Variants in EZR observed in about 807,000 individuals in gnomAD.
EZR encodes the protein cytovillin 2.
Under a neutral mutation model 74.8 loss-of-function variants are expected in EZR, and 40 were observed. That is an observed-to-expected ratio of 0.53 (90% confidence interval 0.42 to 0.70). EZR has a LOEUF of 0.70. Ranked by LOEUF, EZR falls within the 30% of genes least tolerant of loss-of-function variation. The probability of loss-of-function intolerance (pLI) is 0.00; values close to 1 mark genes in which losing one functional copy is unlikely to be tolerated. For synonymous variants in EZR, 341 were observed against 283.3 expected (o/e 1.20, Z -2.05); for missense variants, 678 against 755.8 (o/e 0.90, Z 1.21).
chr6:158,800,556 T>A (rs980709402), intron 2 of EZR, among the ~76,000 whole-genome samples: 2 of 152,122 alleles, frequency 1.3e-5, no homozygotes, highest in East Asian at 3.9e-4. Context: ...ATCCTACCAC[T>A]TTGGGAGGCT....
intron 2 of EZR, among the ~76,000 whole-genome samples, chr6:158,798,079 A>C (rs903437586): frequency 6.6e-5 from 10 of 152,306 alleles, no homozygotes; most frequent in African/African-American, 2.4e-4. Context: ...GAATTTTGTA[A>C]TATGCAGTCT....
chr6:158,778,908 CAATT>C (rs1791352809), intron 7 of EZR, among the ~76,000 whole-genome samples: 1 of 152,080 alleles, frequency 6.6e-6, no homozygotes, highest in Admixed American at 6.5e-5. Flanking sequence ...TATAGAATTC[CAATT>C]AATACACGTA....
intron 7 of EZR, among the ~76,000 whole-genome samples, chr6:158,777,864 AT>A (rs535145758): frequency 9.2e-5 from 14 of 152,284 alleles, no homozygotes; most frequent in African/African-American, 3.4e-4. Context: ...AAGCTTTTGT[AT>A]ACATCCTTTC....
chr6:158,768,141 T>C (rs988547984), intron 12 of EZR, among the ~76,000 whole-genome samples: 7 of 151,940 alleles, frequency 4.6e-5, no homozygotes, highest in African/African-American at 1.7e-4. Context: ...GTGACTGGAT[T>C]ACGGGGTGGT....
chr6:158,774,672 AACACACAC>A (rs56400693), intron 8 of EZR, among the ~76,000 whole-genome samples: 4,570 of 142,428 alleles, frequency 0.032, 179 homozygotes, highest in East Asian at 0.18. Flanking sequence ...CTTATCATCA[AACACACAC>A]ACACACACAC....
intron 2 of EZR, among the ~76,000 whole-genome samples, chr6:158,804,074 C>T (rs1426380488): frequency 2.0e-5 from 3 of 152,036 alleles, no homozygotes; most frequent in African/African-American, 2.4e-5. Flanking sequence ...CCTGCACTGC[C>T]GAGTAACACT....
chr6:158,800,254 A>G (rs1389199238), intron 2 of EZR, among the ~76,000 whole-genome samples: 1 of 152,192 alleles, frequency 6.6e-6, no homozygotes. Flanking sequence ...TATATCATCA[A>G]TTTATGACAC....
rs375461988 is a variant in EZR, at chr6:158,769,936, C to T, written c.1099G>A (p.Glu367Lys). The T allele has an allele frequency of 5.0e-6, 8 of 1,610,456 alleles. No homozygotes were observed. The African/African-American group carries it at 8.0e-5, about 16-fold the overall frequency. ...AGCTGCAGGGCCCTCTGAATCTGCTCCGAGAGCTCTGCAAAGACACAAAGC... is the reference window on the plus strand; with the variant it reads ...AGCTGCAGGGCCCTCTGAATCTGCTTCGAGAGCTCTGCAAAGACACAAAGC... ...KTKKAERELSEQIQRALQLEE... is the reference protein window; with the variant it reads ...KTKKAERELSKQIQRALQLEE... Residue 367 changes from glutamate to lysine, a missense_variant, in exon 11 of 14, where the codon GAG becomes AAG. Glu to Lys is a moderately conservative substitution (Grantham distance 56). Coordinates refer to ENST00000367075, the MANE Select transcript of EZR (RefSeq NM_001111077.2).
At chr6:158,795,460 C>T (rs1403616055) in intron 2 of EZR, among the ~76,000 whole-genome samples, 1 of 152,044 alleles carries the variant, frequency 6.6e-6, no homozygotes, top group East Asian at 1.9e-4. Context: ...CAGGTTAGCT[C>T]AGCTCGAACT....
intron 4 of EZR, among the ~76,000 whole-genome samples, chr6:158,786,184 C>T (rs568292787): frequency 2.6e-5 from 4 of 152,236 alleles, no homozygotes; most frequent in African/African-American, 9.6e-5. Flanking sequence ...CTAGCCTGAC[C>T]AACATGGTGA....
At chr6:158,775,883 T>C (rs766843634) in intron 8 of EZR, among the ~76,000 whole-genome samples, 94 of 152,240 alleles carry the variant, frequency 6.2e-4, no homozygotes, top group Non-Finnish European at 1.1e-3. Flanking sequence ...TCTTACCATG[T>C]CCTCCCAAAA....
chr6:158,811,454 A>C (rs758928466), intron 2 of EZR, among the ~76,000 whole-genome samples: 7 of 152,184 alleles, frequency 4.6e-5, no homozygotes, highest in Admixed American at 1.3e-4. Flanking sequence ...AAGAATCTCC[A>C]AATTGTCAAA....
chr6:158,807,658 T>C (rs1236196628), intron 2 of EZR, among the ~76,000 whole-genome samples: 1 of 152,158 alleles, frequency 6.6e-6, no homozygotes, highest in Non-Finnish European at 1.5e-5. Flanking sequence ...CAGTAAAGAA[T>C]GAAAGTTAAT....
chr6:158,817,774 A>G (rs1777590423), intron 2 of EZR, among the ~76,000 whole-genome samples: 1 of 152,156 alleles, frequency 6.6e-6, no homozygotes, highest in Admixed American at 6.5e-5. Flanking sequence ...TTGTATTACT[A>G]TACCCTTTAA....
intron 2 of EZR, among the ~76,000 whole-genome samples, chr6:158,811,717 G>A (rs999344329): frequency 2.0e-5 from 3 of 152,038 alleles, no homozygotes; most frequent in African/African-American, 7.3e-5. Flanking sequence ...TAAAAAATTA[G>A]CTGGGTGTGG....
intron 2 of EZR, among the ~76,000 whole-genome samples, chr6:158,816,312 T>C (rs1018655603): frequency 4.6e-5 from 7 of 152,270 alleles, no homozygotes; most frequent in African/African-American, 1.7e-4. Context: ...AGTAAGAGGA[T>C]AAACTGTATA....
At chr6:158,813,732 C>T (rs915847369) in intron 2 of EZR, among the ~76,000 whole-genome samples, 1 of 152,240 alleles carries the variant, frequency 6.6e-6, no homozygotes, top group African/African-American at 2.4e-5. Context: ...TGTGAACACA[C>T]TTTCAGAGTT....
chr6:158,818,585 G>C (rs1265244002), intron 1 of EZR, among the ~76,000 whole-genome samples: 1 of 144,600 alleles, frequency 6.9e-6, no homozygotes, highest in Non-Finnish European at 1.5e-5. Flanking sequence ...CACTCGGCCA[G>C]GAGGGTCAGG....
At chr6:158,818,959 C>G (rs1777629830) in intron 1 of EZR, among the ~76,000 whole-genome samples, 2 of 152,088 alleles carry the variant, frequency 1.3e-5, no homozygotes, top group African/African-American at 4.8e-5. Flanking sequence ...GAGCACTCGG[C>G]AAGTTTCACT....
Sources: gnomAD v4.1 joint callset for allele counts (sites outside exome capture counted in the v4.1 genomes callset) on GRCh38, gnomAD v4.1.1 for gene constraint, MANE v1.5 for transcripts, NCBI Gene and HGNC (gene_info 2026-07-23, HGNC 2026-07-21) for gene names.